The following STIP1 variants were observed in gnomAD, a reference collection of about 807,000 sequenced individuals.
STIP1 encodes stress-induced-phosphoprotein 1.
In STIP1, 16 loss-of-function variants were observed where a neutral mutation model predicts 77.4. The ratio of observed to expected loss-of-function variants is 0.21; its 90% confidence interval spans 0.14 to 0.31. The LOEUF is 0.31. Among genes scored for constraint, STIP1 ranks in the 10% least tolerant of loss-of-function variants. The probability of loss-of-function intolerance (pLI) is 1.00; values close to 1 mark genes in which losing one functional copy is unlikely to be tolerated. For missense variants in STIP1, 524 were observed against 684.8 expected (o/e 0.77, Z 2.62); for synonymous variants, 258 against 246.6 (o/e 1.05, Z -0.44).
intron 7 of STIP1, 27 bp downstream of exon 7, chr11:64,197,622 G>C: frequency 6.2e-7 from 1 of 1,612,382 alleles, no homozygotes; most frequent in Non-Finnish European, 8.5e-7. Context: ...AGAATACCTT[G>C]AGTAGCGCGG....
upstream of STIP1, chr11:64,185,679 G>A: frequency 1.7e-6 from 2 of 1,161,486 alleles, no homozygotes; most frequent in Non-Finnish European, 2.4e-6. Context: ...CACAGCTACA[G>A]ACCCCGACTG....
chr11:64,201,135 G>A (rs1443504760), intron 10 of STIP1, among the ~76,000 whole-genome samples: 2 of 151,910 alleles, frequency 1.3e-5, no homozygotes, highest in African/African-American at 4.8e-5. Flanking sequence ...TACTTCCCTG[G>A]CTTAAACCAT....
At chr11:64,190,655 A>G (rs940049489) in intron 1 of STIP1, among the ~76,000 whole-genome samples, 23 of 152,282 alleles carry the variant, frequency 1.5e-4, no homozygotes, top group African/African-American at 5.5e-4. Context: ...GTGGGTGGAT[A>G]ATACATAGAA....
rs1262304460 is a variant in STIP1 at position 64,194,595 on chromosome 11, C to A, written c.478C>A (p.Arg160=). 6.8e-6 allele frequency: 11 copies of A among 1,613,988 alleles called. No homozygotes were observed. The highest frequency in any genetic ancestry group is 6.8e-6 in the Non-Finnish European group (8 of 1,180,020). The change falls in exon 4 of 14, where the codon CGA becomes AGA. Residue 160 remains arginine (R), a synonymous_variant. Coordinates refer to ENST00000305218, the MANE Select transcript of STIP1 (RefSeq NM_006819.3). ...PTYRELIEQL[R]NKPSDLGTKL... ...CTACCGGGAGCTGATAGAGCAGCTA[C>A]GAAACAAGCCTTCTGACCTGGGCAC... is the stretch of plus-strand genomic sequence containing the variant.
chr11:64,203,933 C>G, intron 13 of STIP1, 121 bp from the exon 14 acceptor site: 2 of 1,225,258 alleles, frequency 1.6e-6, no homozygotes, highest in South Asian at 2.5e-5. Flanking sequence ...GCGCCCCGGG[C>G]CTCGCCAGGA....
intron 5 of STIP1, among the ~76,000 whole-genome samples, chr11:64,196,170 C>T (rs1946147976): frequency 6.6e-6 from 1 of 151,960 alleles, no homozygotes; most frequent in Admixed American, 6.6e-5. Flanking sequence ...CCAAGGTGGG[C>T]AGATCACCTG....
At chr11:64,185,324 T>TG (rs1945996998), upstream of STIP1, 1 of 166,464 alleles carries the variant, frequency 6.0e-6, no homozygotes, top group African/African-American at 2.4e-5. Context: ...AGAAAGGGTG[T>TG]GCGGTTCCAC....
At position 64,197,863 on chromosome 11, in the gene STIP1, T is replaced by C. The variant is rs767113291; in HGVS notation, c.912T>C (p.Ala304=). ...EDYRQIAKAY[A]RIGNSYFKEE... is the part of the protein sequence containing the mutation. ...CCTCTTTCTTTATCAGAGCATATGC[T>C]CGAATTGGCAACTCCTACTTCAAAG... The change falls in exon 8 of 14, where the codon GCT becomes GCC. Residue 304 remains alanine (A), a synonymous_variant. Coordinates refer to ENST00000305218, the MANE Select transcript of STIP1 (RefSeq NM_006819.3). 6.2e-7 allele frequency: 1 copy of C among 1,611,948 alleles called. No individual in the cohort carries two copies. The highest frequency in any genetic ancestry group is 8.5e-7 in the Non-Finnish European group (1 of 1,179,788).
At chr11:64,203,073 G>T in intron 11 of STIP1, 52 bp from the exon 12 acceptor site, 1 of 1,604,908 alleles carries the variant, frequency 6.2e-7, no homozygotes, top group Non-Finnish European at 8.5e-7. Context: ...GAGGTGCAAG[G>T]AGCAGCCTTG....
At chr11:64,203,689 G>C (rs569647099) in intron 13 of STIP1, 67 bp downstream of exon 13, 14 of 1,596,054 alleles carry the variant, frequency 8.8e-6, no homozygotes, top group Non-Finnish European at 1.2e-5. Context: ...GAGTGCACGC[G>C]GCTGGGGGGT....
intron 1 of STIP1, among the ~76,000 whole-genome samples, chr11:64,188,663 G>A (rs529651082): frequency 4.6e-5 from 7 of 152,184 alleles, no homozygotes; most frequent in African/African-American, 1.2e-4. Flanking sequence ...GATTACAGGC[G>A]TGAGTCACCT....
At chr11:64,190,619 T>C (rs1196372997) in intron 1 of STIP1, among the ~76,000 whole-genome samples, 1 of 152,222 alleles carries the variant, frequency 6.6e-6, no homozygotes, top group Non-Finnish European at 1.5e-5. Flanking sequence ...TTGACAAAAC[T>C]ATTTCTTGCA....
At chr11:64,188,408 G>A (rs957730175) in intron 1 of STIP1, among the ~76,000 whole-genome samples, 8 of 151,358 alleles carry the variant, frequency 5.3e-5, no homozygotes, top group Non-Finnish European at 1.2e-4. Flanking sequence ...TTTTTTTAGA[G>A]ACAGGGTCTG....
chr11:64,194,338 C>T lies in STIP1; in HGVS notation c.361+8C>T. ...TGGAGGCCAGGTTGGCAGGTAGGTA[C>T]CACGCACAGTTTTCTTTCTTATTAT... On this transcript the variant is annotated splice_region_variant and intron_variant, in intron 3 of 13. Transcript: ENST00000305218. 6.2e-7 allele frequency: 1 copy of T among 1,612,648 alleles called. No homozygotes were observed. The highest frequency in any genetic ancestry group is 8.5e-7 in the Non-Finnish European group (1 of 1,179,636).
At chr11:64,202,590 T>G (rs1591016075) in intron 10 of STIP1, 2 of 431,422 alleles carry the variant, frequency 4.6e-6, no homozygotes, top group East Asian at 4.4e-5. Context: ...ATTCCAAAGC[T>G]CTCAGGACCA....
chr11:64,185,643 C>G (rs1353461350), upstream of STIP1: 2 of 798,952 alleles, frequency 2.5e-6, no homozygotes, highest in Non-Finnish European at 3.8e-6. Flanking sequence ...GGGAAAGCAA[C>G]CCAGAGGCCC....
In STIP1 at chr11:64,189,367, AAAAT is replaced by A. The variant is rs1440789190; in HGVS notation, c.9+3108_9+3111del. Among the ~76,000 whole-genome samples the A allele has an allele frequency of 2.0e-4, 31 of 152,080 alleles. No individual in the cohort carries two copies. In the South Asian group the frequency reaches 3.5e-3, roughly 17 times the overall value. Reference sequence around the variant, plus strand: ...CAGCGAGACTCCGTCTCAAAAAAAAAAAATAAATAAATAAGCGGACATTGTGGTG... The same window carrying A: ...CAGCGAGACTCCGTCTCAAAAAAAAAAAATAAATAAGCGGACATTGTGGTG... On this transcript the variant is annotated intron_variant, in intron 1 of 13. Coordinates refer to ENST00000305218, the MANE Select transcript of STIP1 (RefSeq NM_006819.3).
upstream of STIP1, chr11:64,185,321 G>C (rs900162706): frequency 6.0e-6 from 1 of 166,246 alleles, no homozygotes; most frequent in African/African-American, 2.4e-5. Context: ...CTGAGAAAGG[G>C]TGTGCGGTTC....
At chr11:64,190,160 C>A (rs759245561) in intron 1 of STIP1, among the ~76,000 whole-genome samples, 26 of 152,026 alleles carry the variant, frequency 1.7e-4, no homozygotes, top group Non-Finnish European at 2.9e-4. Context: ...ACCACCACAT[C>A]CGGGCAATTT....
Sources: gnomAD v4.1 joint callset for allele counts (sites outside exome capture counted in the v4.1 genomes callset) on GRCh38, gnomAD v4.1.1 for gene constraint, MANE v1.5 for transcripts, NCBI Gene and HGNC (gene_info 2026-07-23, HGNC 2026-07-21) for gene names.